The following ANKS1A variants were observed in gnomAD, a reference collection of about 807,000 sequenced individuals.
ANKS1A encodes the protein ankyrin repeat and sterile alpha motif domain containing 1A, also known as ankyrin repeat and SAM domain-containing protein 1A.
Under a neutral mutation model 120.3 loss-of-function variants are expected in ANKS1A, and 55 were observed. That is an observed-to-expected ratio of 0.46 (90% confidence interval 0.37 to 0.57). ANKS1A has a LOEUF of 0.57. Ranked by LOEUF, ANKS1A falls within the 20% of genes least tolerant of loss-of-function variation. The probability of loss-of-function intolerance (pLI) is 0.00; values close to 1 mark genes in which losing one functional copy is unlikely to be tolerated. For missense variants in ANKS1A, 1,123 were observed against 1,480.3 expected, an observed-to-expected ratio of 0.76 and a Z score of 3.96; for synonymous variants, 590 against 604.7, an observed-to-expected ratio of 0.98 and a Z score of 0.36.
chr6:35,009,769 G>A (rs1184481863), intron 10 of ANKS1A: 1 of 165,372 alleles, frequency 6.0e-6, no homozygotes, highest in East Asian at 1.8e-4. Context: ...TGGGTGTGGT[G>A]GTGCAAGCCT....
chr6:35,018,105 CCGCAGCCCACCA>C (rs1486344951), intron 11 of ANKS1A, 46 bp downstream of exon 11: 1 of 1,572,658 alleles, frequency 6.4e-7, no homozygotes, highest in Admixed American at 1.7e-5. Context: ...GCCAGGCTGG[CCGCAGCCCACCA>C]CAGCTCCCGT....
At chr6:34,902,107 A>G (rs1246705359) in intron 1 of ANKS1A, among the ~76,000 whole-genome samples, 1 of 152,168 alleles carries the variant, frequency 6.6e-6, no homozygotes, top group Non-Finnish European at 1.5e-5. Context: ...ACTCAGCTGG[A>G]GAATAGTTTT....
intron 10 of ANKS1A, among the ~76,000 whole-genome samples, chr6:34,997,145 G>T (rs1274299688): frequency 6.6e-6 from 1 of 151,218 alleles, no homozygotes; most frequent in East Asian, 1.9e-4. Flanking sequence ...AATCTATATT[G>T]ATTGTGAAGA....
At chr6:34,998,021 C>T (rs1021971243) in intron 10 of ANKS1A, among the ~76,000 whole-genome samples, 2 of 152,238 alleles carry the variant, frequency 1.3e-5, no homozygotes, top group Admixed American at 6.5e-5. Flanking sequence ...TGCCTCAAGG[C>T]TTGCTGTTTA....
In ANKS1A at chr6:35,089,655, A is replaced by C; in HGVS notation, c.*1046A>C. 1 of 989,198 alleles carries C rather than the reference A, an allele frequency of 1.0e-6. No homozygotes were observed. Among genetic ancestry groups the C allele is most frequent in the Non-Finnish European group, 1.2e-6 (1 of 832,180 alleles). The allele number at this position is 989,198 out of a possible 1,614,324, so 61.3% of individuals were successfully genotyped here. The stretch of plus-strand genomic sequence containing the variant: ...AAAAGGCTAAATAAGGTGACAGTGC[A>C]TCGATGCTCCCCCGCGTGGCCTTTG... On this transcript the variant is annotated 3_prime_UTR_variant, in exon 24 of 24. Coordinates refer to ENST00000360359, the MANE Select transcript of ANKS1A (RefSeq NM_015245.3).
chr6:34,913,911 A>G (rs1768026168), intron 1 of ANKS1A, among the ~76,000 whole-genome samples: 1 of 150,352 alleles, frequency 6.7e-6, no homozygotes, highest in Admixed American at 6.6e-5. Context: ...CACTGTGCCC[A>G]GCCAATAAAG....
At chr6:35,028,550 A>G (rs1198455600) in intron 11 of ANKS1A, among the ~76,000 whole-genome samples, 1 of 152,232 alleles carries the variant, frequency 6.6e-6, no homozygotes, top group Non-Finnish European at 1.5e-5. Flanking sequence ...CAAAGACTAT[A>G]TAGTGAAAAA....
intron 11 of ANKS1A, chr6:35,039,618 C>T (rs1231753624): frequency 2.2e-6 from 1 of 456,644 alleles, no homozygotes; most frequent in Admixed American, 2.3e-5. Flanking sequence ...GGGCTACTGC[C>T]ACGTGCGTCC....
chr6:34,890,180 C>T (rs1010600562), intron 1 of ANKS1A, among the ~76,000 whole-genome samples: 5 of 152,044 alleles, frequency 3.3e-5, no homozygotes, highest in Non-Finnish European at 7.4e-5. Flanking sequence ...CAACCTCCGC[C>T]TCCCGGGTTC....
In ANKS1A at chr6:34,889,425, T is replaced by G; in HGVS notation, c.23T>G (p.Leu8Arg). The G allele has an allele frequency of 7.8e-7, 1 of 1,284,612 alleles. No individual in the cohort carries two copies. Among genetic ancestry groups the G allele is most frequent in the Non-Finnish European group, 9.8e-7 (1 of 1,019,528 alleles). The allele number at this position is 1,284,612 out of a possible 1,614,324, so 79.6% of individuals were successfully genotyped here. ...GGGATGGGGAAGGAGCAGGAGCTGC[T>G]GGAGGCGGCCCGCACCGGGCACCTC... is the stretch of plus-strand genomic sequence containing the variant. MGKEQEL[L>R]EAARTGHLPA... Residue 8 changes from leucine to arginine, a missense_variant, in exon 1 of 24, where the codon CTG (leucine) becomes CGG (arginine). Physicochemically the swap from Leu to Arg is moderately radical, Grantham distance 102 (BLOSUM62 -2). Coordinates refer to ENST00000360359, the MANE Select transcript of ANKS1A (RefSeq NM_015245.3). The surrounding 1 kb of genome is among the most constrained non-coding windows in gnomAD (Gnocchi z 5.5).
At chr6:34,913,397 G>T (rs1326634974) in intron 1 of ANKS1A, among the ~76,000 whole-genome samples, 1 of 152,146 alleles carries the variant, frequency 6.6e-6, no homozygotes, top group Non-Finnish European at 1.5e-5. Flanking sequence ...CATGATCATA[G>T]CCCTCTGCAG....
chr6:34,999,294 G>A (rs1454534664), intron 10 of ANKS1A, among the ~76,000 whole-genome samples: 3 of 152,178 alleles, frequency 2.0e-5, no homozygotes, highest in Non-Finnish European at 2.9e-5. Context: ...TGCCTGTACC[G>A]GCACTTTGGT....
At chr6:34,967,469 C>T (rs1770954690) in intron 2 of ANKS1A, 150 bp downstream of exon 2, 3 of 539,814 alleles carry the variant, frequency 5.6e-6, no homozygotes, top group Admixed American at 7.5e-5. Context: ...GGGAGGATCA[C>T]ATGAAGCTGA....
chr6:34,967,918 T>A (rs1030525880), intron 2 of ANKS1A, among the ~76,000 whole-genome samples: 2 of 151,924 alleles, frequency 1.3e-5, no homozygotes, highest in African/African-American at 4.8e-5. Flanking sequence ...TGCTACATAA[T>A]GTTCTAGGTA....
intron 11 of ANKS1A, among the ~76,000 whole-genome samples, chr6:35,036,851 A>G (rs1297520682): frequency 1.3e-5 from 2 of 152,228 alleles, no homozygotes; most frequent in African/African-American, 2.4e-5. Flanking sequence ...CTAGAAATGC[A>G]AATTCTTCCC....
rs575493085 is a variant in ANKS1A, at chr6:34,907,539, T to G, written c.197+17940T>G. 1.1e-4 allele frequency among the ~76,000 whole-genome samples: 16 copies of G among 152,288 alleles called. No individual in the cohort carries two copies. The East Asian group carries it at 1.7e-3, about 17-fold the overall frequency. ...TGCGTTTGGTTGGAAAAAATCTGCA[T>G]GTAAGTGGACCCAAGCAGTTCCAAC... On this transcript the variant is annotated intron_variant, in intron 1 of 23. Transcript: ENST00000360359.
At chr6:35,010,258 C>CA (rs1189852047) in intron 10 of ANKS1A, among the ~76,000 whole-genome samples, 2 of 152,102 alleles carry the variant, frequency 1.3e-5, no homozygotes, top group African/African-American at 4.8e-5. Context: ...TGGGATAATG[C>CA]AATATCTTAG....
intron 3 of ANKS1A, among the ~76,000 whole-genome samples, chr6:34,979,184 C>T (rs1185129144): frequency 1.3e-5 from 2 of 152,100 alleles, no homozygotes; most frequent in Admixed American, 6.6e-5. Context: ...CATGAGCCAC[C>T]GTGCCCGGCC....
chr6:35,037,239 T>C (rs1165319932), intron 11 of ANKS1A, among the ~76,000 whole-genome samples: 1 of 152,220 alleles, frequency 6.6e-6, no homozygotes, highest in Non-Finnish European at 1.5e-5. Flanking sequence ...CTATTAGCTT[T>C]TTAGTATCTG....
Sources: gnomAD v4.1 joint callset for allele counts (sites outside exome capture counted in the v4.1 genomes callset) on GRCh38, gnomAD v4.1.1 for gene constraint, Gnocchi (gnomAD v3.1) non-coding constraint, MANE v1.5 for transcripts, NCBI Gene and HGNC (gene_info 2026-07-23, HGNC 2026-07-21) for gene names.